The following G3BP1 variants were observed in gnomAD, a reference collection of about 807,000 sequenced individuals.
The protein encoded by G3BP1 is G3BP stress granule assembly factor 1.
G3BP1 carries 35 observed loss-of-function variants against 58.6 expected under a neutral mutation model. The ratio of observed to expected loss-of-function variants is 0.60; its 90% CI spans 0.46 to 0.79. The LOEUF (loss-of-function observed/expected upper bound fraction) is 0.79, where lower values mean the gene tolerates loss of function less well. Among genes scored for constraint, G3BP1 ranks in the 30% least tolerant of loss-of-function variants. The probability of loss-of-function intolerance (pLI) is 0.00; values close to 1 mark genes in which losing one functional copy is unlikely to be tolerated. For synonymous variants in G3BP1, 191 were observed against 195.4 expected (o/e 0.98, Z 0.19); for missense variants, 523 against 580.8 (o/e 0.90, Z 1.02).
At chr5:151,787,744 T>G (rs1242716408) in intron 2 of G3BP1, 4 of 284,340 alleles carry the variant, frequency 1.4e-5, no homozygotes, top group Non-Finnish European at 2.9e-5. Context: ...AGAACTATTT[T>G]TTCCCTTACA....
At chr5:151,794,754 T>C (rs995867332) in intron 5 of G3BP1, among the ~76,000 whole-genome samples, 14 of 152,346 alleles carry the variant, frequency 9.2e-5, no homozygotes, top group South Asian at 2.1e-4. Flanking sequence ...CAGAGACTTA[T>C]GGAAAATTTT....
At position 151,806,582 on chromosome 5, in the gene G3BP1, G is replaced by C. The variant is rs1762941153; in HGVS notation, c.*2491G>C. ...TCCTTGTACAATTATGTACATTATT[G>C]CATGTAGAGTAAACCTGAGAGCTTA... is the stretch of plus-strand genomic sequence containing the variant. On this transcript the variant is annotated 3_prime_UTR_variant, in exon 12 of 12. Coordinates refer to ENST00000356245, the MANE Select transcript of G3BP1 (RefSeq NM_005754.3). 1 of 152,140 alleles carries C rather than the reference G, an allele frequency of 6.6e-6. No individual in the cohort carries two copies. Among genetic ancestry groups the C allele is most frequent in the East Asian group, 1.9e-4 (1 of 5,196 alleles). 9.4% of individuals were successfully genotyped at this position (152,140 alleles called of 1,614,324 possible). A position where few individuals can be genotyped will look rare whatever the true frequency, so the allele number is the denominator to read the frequency against.
intron 10 of G3BP1, 33 bp downstream of exon 10, chr5:151,800,379 C>T (rs1762830254): frequency 4.5e-6 from 7 of 1,538,766 alleles, no homozygotes; most frequent in Non-Finnish European, 6.3e-6. Context: ...CTAAATTCAT[C>T]TAGTGTCTCT....
At chr5:151,776,988 A>G (rs953440223) in intron 1 of G3BP1, among the ~76,000 whole-genome samples, 1 of 150,500 alleles carries the variant, frequency 6.6e-6, no homozygotes. Flanking sequence ...ATTAATTACC[A>G]GGTATTTCAG....
chr5:151,774,488 C>G (rs1762331702), intron 1 of G3BP1, among the ~76,000 whole-genome samples: 1 of 151,826 alleles, frequency 6.6e-6, no homozygotes, highest in Non-Finnish European at 1.5e-5. Context: ...TAACATAAAG[C>G]TTACATTTGT....
chr5:151,799,168 T>A (rs778937786), intron 7 of G3BP1, 44 bp from the exon 8 acceptor site: 11 of 943,160 alleles, frequency 1.2e-5, no homozygotes, highest in Non-Finnish European at 1.9e-5. Context: ...TTATATTGTT[T>A]TGATACCTGG....
At chr5:151,779,084 A>G (rs1762423584) in intron 1 of G3BP1, among the ~76,000 whole-genome samples, 1 of 151,844 alleles carries the variant, frequency 6.6e-6, no homozygotes, top group South Asian at 2.1e-4. Context: ...AATCAGGTAA[A>G]TGCCTTGCAA....
At chr5:151,803,818 T>C in intron 11 of G3BP1, 67 bp from the exon 12 acceptor site, 1 of 1,080,704 alleles carries the variant, frequency 9.3e-7, no homozygotes, top group Admixed American at 1.9e-5. Context: ...ATTACAGCTT[T>C]CTTTATCTTT....
intron 1 of G3BP1, among the ~76,000 whole-genome samples, chr5:151,774,295 ATGTT>A (rs982084646): frequency 1.3e-5 from 2 of 151,530 alleles, no homozygotes; most frequent in Non-Finnish European, 2.9e-5. Context: ...GATTTTGGTA[ATGTT>A]TGTTTGTGAC....
At chr5:151,802,555 C>T (rs1762872194) in intron 11 of G3BP1, among the ~76,000 whole-genome samples, 1 of 152,226 alleles carries the variant, frequency 6.6e-6, no homozygotes, top group Non-Finnish European at 1.5e-5. Context: ...GGACAAGTTA[C>T]TTAACCTCCC....
chr5:151,804,196 C>CCTG lies in G3BP1; in HGVS notation c.*105_*106insCTG. The CCTG allele has an allele frequency of 1.3e-6, 1 of 761,392 alleles. No homozygotes were observed. The highest frequency in any genetic ancestry group is 1.9e-5 in the South Asian group (1 of 52,092). The allele number at this position is 761,392 out of a possible 1,614,324, so 47.2% of individuals were successfully genotyped here. A position where few individuals can be genotyped will look rare whatever the true frequency, so the allele number is the denominator to read the frequency against. ...GAGTATGACCCCAGTCTGTTATAAA[C>CCTG]TGCTTAAGTTTGTATAATTTTACTT... On this transcript the variant is annotated 3_prime_UTR_variant, in exon 12 of 12. Transcript: ENST00000356245.
intron 5 of G3BP1, among the ~76,000 whole-genome samples, chr5:151,794,855 G>A (rs986421460): frequency 6.6e-6 from 1 of 152,190 alleles, no homozygotes; most frequent in African/African-American, 2.4e-5. Context: ...CATTTGCCTA[G>A]TAAAGTGGTA....
At position 151,794,533 on chromosome 5, in the gene G3BP1, G is replaced by A. The variant is rs989406032; in HGVS notation, c.442+284G>A. Among the ~76,000 whole-genome samples, 5 of 152,212 alleles carry A rather than the reference G, an allele frequency of 3.3e-5. No homozygotes were observed. The South Asian group carries it at 8.3e-4, about 25-fold the overall frequency. ...TTTTTGCCACATTTACCAATAGGAT[G>A]TCATGGAGAAGGCTAGGTGATACTT... is the stretch of plus-strand genomic sequence containing the variant. On this transcript the variant is annotated intron_variant, in intron 5 of 11. Coordinates refer to ENST00000356245, the MANE Select transcript of G3BP1 (RefSeq NM_005754.3).
In G3BP1 at chr5:151,790,883, T is replaced by G; in HGVS notation, c.178-6T>G. The G allele has an allele frequency of 2.0e-6, 3 of 1,516,740 alleles. No homozygotes were observed. The East Asian group carries it at 6.8e-5, about 34-fold the overall frequency. 94.0% of individuals were successfully genotyped at this position (1,516,740 alleles called of 1,614,324 possible). A position where few individuals can be genotyped will look rare whatever the true frequency, so the allele number is the denominator to read the frequency against. ...TGATTATTATTATTATTATTATTTT[T>G]TTAAGGAAATCCACAGGAAAGTGAT... On this transcript the variant is annotated splice_polypyrimidine_tract_variant and splice_region_variant and intron_variant, in intron 3 of 11. Coordinates refer to ENST00000356245, the MANE Select transcript of G3BP1 (RefSeq NM_005754.3).
At chr5:151,795,197 A>G (rs1048231688) in intron 5 of G3BP1, among the ~76,000 whole-genome samples, 2 of 152,132 alleles carry the variant, frequency 1.3e-5, no homozygotes, top group East Asian at 3.9e-4. Context: ...AATGGCGTGA[A>G]CCCAGGAGGT....
At chr5:151,781,297 G>GT (rs1442097603) in intron 1 of G3BP1, among the ~76,000 whole-genome samples, 1 of 152,148 alleles carries the variant, frequency 6.6e-6, no homozygotes, top group Admixed American at 6.5e-5. Flanking sequence ...ACAGTATTAA[G>GT]TTATAACTGC....
chr5:151,783,007 G>A (rs575388687), intron 1 of G3BP1, among the ~76,000 whole-genome samples: 6 of 151,784 alleles, frequency 4.0e-5, no homozygotes, highest in Non-Finnish European at 7.4e-5. Flanking sequence ...ACAGGCGCAC[G>A]CCACCATGCT....
At chr5:151,800,394 CA>C in intron 10 of G3BP1, 48 bp downstream of exon 10, 1 of 1,438,526 alleles carries the variant, frequency 7.0e-7, no homozygotes, top group South Asian at 1.2e-5. Context: ...GTCTCTCTAG[CA>C]CTGTCCAGTA....
chr5:151,800,952 C>G, intron 11 of G3BP1, 83 bp downstream of exon 11: 3 of 673,686 alleles, frequency 4.5e-6, no homozygotes, highest in Non-Finnish European at 5.2e-6. Context: ...ACAGCTGGGT[C>G]TTTATGTAAA....
Sources: gnomAD v4.1 joint callset for allele counts (sites outside exome capture counted in the v4.1 genomes callset) on GRCh38, gnomAD v4.1.1 for gene constraint, MANE v1.5 for transcripts, NCBI Gene and HGNC (gene_info 2026-07-23, HGNC 2026-07-21) for gene names.